Variants in TMEM132C observed in about 807,000 individuals in gnomAD.
TMEM132C encodes protein phosphatase 1, regulatory subunit 152.
Under a neutral mutation model 61.4 loss-of-function variants are expected in TMEM132C, and 29 were observed. That is an observed-to-expected ratio of 0.47 (90% CI 0.35 to 0.64). The LOEUF is 0.64. TMEM132C is among the 30% of genes least tolerant of loss of function. TMEM132C has a pLI of 0.00. For missense variants in TMEM132C, 1,408 were observed against 1,476.9 expected (o/e 0.95, Z 0.76); for synonymous variants, 656 against 633.1 (o/e 1.04, Z -0.54).
chr12:128,458,580 G>C (rs1870428503), intron 2 of TMEM132C, among the ~76,000 whole-genome samples: 1 of 151,978 alleles, frequency 6.6e-6, no homozygotes, highest in Non-Finnish European at 1.5e-5. Context: ...TCCCATCATG[G>C]GGAAGGAGGA....
chr12:128,656,069 GAGA>G (rs1954323009), intron 4 of TMEM132C, among the ~76,000 whole-genome samples: 2 of 151,988 alleles, frequency 1.3e-5, no homozygotes, highest in Non-Finnish European at 2.9e-5. Flanking sequence ...TTTGTTTTTT[GAGA>G]AGGAGTCTCG....
chr12:128,469,608 TTTGTATGC>T (rs1260647317), intron 2 of TMEM132C, among the ~76,000 whole-genome samples: 1 of 151,936 alleles, frequency 6.6e-6, no homozygotes, highest in Non-Finnish European at 1.5e-5. Context: ...AACATGCATT[TTTGTATGC>T]TTGTATGCTT....
At chr12:128,589,620 C>A (rs982207604) in intron 3 of TMEM132C, among the ~76,000 whole-genome samples, 1 of 150,358 alleles carries the variant, frequency 6.7e-6, no homozygotes, top group Admixed American at 6.7e-5. Flanking sequence ...GAAAAGCTGT[C>A]ATAAAACATG....
chr12:128,625,831 G>T (rs1047222627), intron 4 of TMEM132C, among the ~76,000 whole-genome samples: 6 of 152,100 alleles, frequency 3.9e-5, no homozygotes, highest in African/African-American at 1.4e-4. Context: ...ACCTCCCAAA[G>T]GCCCCACCTC....
chr12:128,286,677 A>G (rs1241781265), intron 1 of TMEM132C, among the ~76,000 whole-genome samples: 1 of 152,196 alleles, frequency 6.6e-6, no homozygotes, highest in East Asian at 1.9e-4. Context: ...CTTTGATGGA[A>G]AGGATGAGAT....
chr12:128,507,421 T>A (rs1354029337), intron 2 of TMEM132C, among the ~76,000 whole-genome samples: 12 of 100,608 alleles, frequency 1.2e-4, no homozygotes, highest in East Asian at 3.2e-4. Context: ...TTTTTTTTTT[T>A]AAATAAGACC....
chr12:128,646,665 G>T (rs1390243214), intron 4 of TMEM132C, among the ~76,000 whole-genome samples: 1 of 152,006 alleles, frequency 6.6e-6, no homozygotes, highest in African/African-American at 2.4e-5. Context: ...AGCGTTGGAT[G>T]AGTGTGTTTA....
chr12:128,344,277 C>T lies in TMEM132C; in HGVS notation c.86-70455C>T, dbSNP rs1463097163. Among the ~76,000 whole-genome samples, 5 of 152,188 alleles carry T rather than the reference C, an allele frequency of 3.3e-5. No individual in the cohort carries two copies. The East Asian group carries it at 9.6e-4, about 29-fold the overall frequency. On this transcript the variant is annotated intron_variant, in intron 1 of 8. Coordinates refer to ENST00000435159, the MANE Select transcript of TMEM132C (RefSeq NM_001136103.3). The stretch of plus-strand genomic sequence containing the variant: ...GGTTCACGCCATTCTCCTGCCTCAG[C>T]CTCCAGAGTAGCTGGGACTACAGGA...
chr12:128,605,928 A>C (rs538123898), intron 3 of TMEM132C, among the ~76,000 whole-genome samples: 1 of 152,310 alleles, frequency 6.6e-6, no homozygotes, highest in Admixed American at 6.5e-5. Flanking sequence ...AATCACTTTG[A>C]AAGATTCATC....
intron 2 of TMEM132C, among the ~76,000 whole-genome samples, chr12:128,516,974 C>T (rs1872738190): frequency 6.6e-6 from 1 of 151,162 alleles, no homozygotes; most frequent in East Asian, 2.0e-4. Context: ...GTAATACCAA[C>T]AATTTTGGAG....
rs1954848186 is a variant in TMEM132C, at chr12:128,707,152, T to C, written c.*857T>C. ...GAGGAGAGGAACTGTCCTTAATCCA[T>C]CACCACTACCATAGGGCAAAGCCAG... On this transcript the variant is annotated 3_prime_UTR_variant, in exon 9 of 9. Coordinates refer to ENST00000435159, the MANE Select transcript of TMEM132C (RefSeq NM_001136103.3). 6.6e-6 allele frequency: 1 copy of C among 151,858 alleles called. No individual in the cohort carries two copies. The highest frequency in any genetic ancestry group is 6.6e-5 in the Admixed American group (1 of 15,262). 9.4% of individuals were successfully genotyped at this position (151,858 alleles called of 1,614,324 possible).
chr12:128,582,991 T>C (rs1307672710), intron 3 of TMEM132C, among the ~76,000 whole-genome samples: 2 of 152,166 alleles, frequency 1.3e-5, no homozygotes, highest in Non-Finnish European at 2.9e-5. Flanking sequence ...AATTCATAAA[T>C]GTTTACACTT....
intron 2 of TMEM132C, among the ~76,000 whole-genome samples, chr12:128,496,472 A>G (rs1009876892): frequency 8.5e-5 from 13 of 152,226 alleles, no homozygotes; most frequent in South Asian, 2.1e-4. Context: ...AGGTACACCA[A>G]TCAGATGTAG....
At chr12:128,282,147 A>C (rs1268154087) in intron 1 of TMEM132C, among the ~76,000 whole-genome samples, 1 of 152,218 alleles carries the variant, frequency 6.6e-6, no homozygotes, top group African/African-American at 2.4e-5. Context: ...GGCTGAGTTG[A>C]TGCTTATCAT....
intron 4 of TMEM132C, among the ~76,000 whole-genome samples, chr12:128,657,489 C>T (rs1954337982): frequency 1.3e-5 from 2 of 152,100 alleles, no homozygotes; most frequent in East Asian, 1.9e-4. Context: ...CATGATCTGA[C>T]TGGATCCTGC....
rs34334973 is a variant in TMEM132C at position 128,392,064 on chromosome 12, T to TTCTCTCTCTC, written c.86-22643_86-22634dup. ...TCTCTCTGTCTCTGTCTCTCTCTCT[T>TTCTCTCTCTC]TCTCTCTCTCTCTCTCTCTCTCTCT... On this transcript the variant is annotated intron_variant, in intron 1 of 8. Coordinates refer to ENST00000435159, the MANE Select transcript of TMEM132C (RefSeq NM_001136103.3). Among the ~76,000 whole-genome samples the TTCTCTCTCTC allele has an allele frequency of 1.7e-3, 222 of 130,526 alleles. 1 individual carries two copies. The highest frequency in any genetic ancestry group is 9.2e-3 in the Admixed American group (119 of 12,954). The allele number at this position is 130,526 out of a possible 152,430, so 85.6% of individuals were successfully genotyped here. A position where few individuals can be genotyped will look rare whatever the true frequency, so the allele number is the denominator to read the frequency against.
chr12:128,471,915 A>G (rs1870965713), intron 2 of TMEM132C, among the ~76,000 whole-genome samples: 1 of 152,214 alleles, frequency 6.6e-6, no homozygotes, highest in Non-Finnish European at 1.5e-5. Context: ...ATTTCCAGCA[A>G]TGTTCAAGTA....
chr12:128,332,680 G>A (rs1872692285), intron 1 of TMEM132C, among the ~76,000 whole-genome samples: 1 of 152,258 alleles, frequency 6.6e-6, no homozygotes, highest in African/African-American at 2.4e-5. Context: ...AGTCCATGCT[G>A]TGGGAAGGTG....
chr12:128,540,847 C>T (rs1028343684), intron 2 of TMEM132C, among the ~76,000 whole-genome samples: 7 of 152,044 alleles, frequency 4.6e-5, no homozygotes, highest in African/African-American at 1.4e-4. Flanking sequence ...TCGTCAGGGC[C>T]CGCGGGTCGA....
Sources: gnomAD v4.1 joint callset for allele counts (sites outside exome capture counted in the v4.1 genomes callset) on GRCh38, gnomAD v4.1.1 for gene constraint, MANE v1.5 for transcripts, NCBI Gene and HGNC (gene_info 2026-07-23, HGNC 2026-07-21) for gene names.